IL4R: variants seen among roughly 807,000 people sequenced by gnomAD.
The protein encoded by IL4R is interleukin-4 receptor subunit alpha.
A neutral mutation model predicts 41.5 loss-of-function variants in IL4R; 17 were observed. That is an observed-to-expected ratio of 0.41 (90% CI 0.28 to 0.61). IL4R has a LOEUF of 0.61. Among genes scored for constraint, IL4R ranks in the 20% least tolerant of loss-of-function variants. The pLI is 0.31. For missense variants in IL4R, 974 were observed against 1,043.1 expected (o/e 0.93, Z 0.91); for synonymous variants, 402 against 422.9 (o/e 0.95, Z 0.61).
At chr16:27,350,537 C>T (rs1005051562) in intron 6 of IL4R, among the ~76,000 whole-genome samples, 3 of 152,022 alleles carry the variant, frequency 2.0e-5, no homozygotes, top group Non-Finnish European at 4.4e-5. Context: ...AATGGAGCTG[C>T]CAGTAACCAG....
intron 1 of IL4R, among the ~76,000 whole-genome samples, chr16:27,320,679 C>T (rs1380095224): frequency 6.6e-6 from 1 of 152,192 alleles, no homozygotes; most frequent in African/African-American, 2.4e-5. Flanking sequence ...GCATAGTCGC[C>T]CAGAACCATT....
In IL4R at chr16:27,345,368, G is replaced by C. The variant is rs3024562; in HGVS notation, c.361+348G>C. ...ACATTCCTTCCATTCTGTGTCCACT[G>C]GTCAGCTGCTGCGGCTTTGGATGGT... On this transcript the variant is annotated intron_variant, in intron 5 of 10. Transcript: ENST00000395762. The surrounding 1 kb of genome is among the most constrained non-coding windows in gnomAD (Gnocchi z 4.5). 3,290 of 399,426 alleles carry C rather than the reference G, an allele frequency of 8.2e-3. 100 individuals are homozygous for C. Among genetic ancestry groups the C allele is most frequent in the African/African-American group, 0.06 (2,938 of 48,614 alleles). 24.7% of individuals were successfully genotyped at this position (399,426 alleles called of 1,614,324 possible). A position where few individuals can be genotyped will look rare whatever the true frequency, so the allele number is the denominator to read the frequency against.
chr16:27,348,782 T>G (rs1350733870), intron 6 of IL4R, among the ~76,000 whole-genome samples: 1 of 152,056 alleles, frequency 6.6e-6, no homozygotes, highest in Non-Finnish European at 1.5e-5. Flanking sequence ...GGGCTGCAGG[T>G]GGGCTCAGCT....
intron 1 of IL4R, among the ~76,000 whole-genome samples, chr16:27,327,706 T>C (rs35004258): frequency 0.32 from 48,352 of 151,698 alleles, 7,885 homozygotes; most frequent in East Asian, 0.54. Context: ...TAGGTTATGG[T>C]TCTGTGACCA....
At chr16:27,318,093 TGAAAACC>T (rs2084699115) in intron 1 of IL4R, among the ~76,000 whole-genome samples, 7 of 152,334 alleles carry the variant, frequency 4.6e-5, no homozygotes, top group African/African-American at 1.7e-4. Flanking sequence ...CCACGATTTC[TGAAAACC>T]GAAAGTTTTT....
At position 27,330,457 on chromosome 16, in the gene IL4R, C is replaced by T. The variant is rs561190672; in HGVS notation, c.-19+259C>T. 9.0e-4 allele frequency among the ~76,000 whole-genome samples: 137 copies of T among 152,082 alleles called. No homozygotes were observed. In the South Asian group the frequency reaches 0.021, roughly 23 times the overall value. On this transcript the variant is annotated intron_variant, in intron 2 of 10. Transcript: ENST00000395762. ...ACCCCTGCTTCTATGCTGTTCCCCCCGAGGGCAAGATTGTAGAAATCTGTA... is the reference window on the plus strand; with the variant it reads ...ACCCCTGCTTCTATGCTGTTCCCCCTGAGGGCAAGATTGTAGAAATCTGTA...
rs772116828 is a variant in IL4R at position 27,362,770 on chromosome 16, C to T, written c.1418C>T (p.Ala473Val). ...CTCCACCTGGAGCCAAGTCCTCCTG[C>T]CAGCCCGACCCAGAGTCCAGACAAC... The part of the protein sequence containing the change: ...QPLHLEPSPP[A>V]SPTQSPDNLT... The change falls in exon 11 of 11, where the codon GCC becomes GTC. Residue 473 changes from alanine to valine, a missense_variant. Ala to Val is a moderately conservative substitution (Grantham distance 64). Transcript: ENST00000395762. The T allele has an allele frequency of 5.6e-6, 9 of 1,614,134 alleles. No homozygotes were observed. In the South Asian group the frequency reaches 9.9e-5, roughly 18 times the overall value.
Position 27,352,659 on chromosome 16 carries a change from C to G in IL4R, c.633C>G (p.Thr211=). ...VRAWAQCYNT[T]WSEWSPSTKW... is the part of the protein sequence containing the mutation. ...CCTGGGCTCAGTGCTATAACACCAC[C>G]TGGAGTGAGTGGAGCCCCAGCACCA... Residue 211 remains threonine, a synonymous_variant, in exon 7 of 11, where the codon ACC becomes ACG. Transcript: ENST00000395762. 6.2e-7 allele frequency: 1 copy of G among 1,614,202 alleles called. No individual in the cohort carries two copies. Among genetic ancestry groups the G allele is most frequent in the African/African-American group, 1.3e-5 (1 of 75,042 alleles).
upstream of IL4R, chr16:27,313,850 G>A: frequency 1.1e-6 from 1 of 898,100 alleles, no homozygotes; most frequent in Non-Finnish European, 1.3e-6. Flanking sequence ...GCGCCGGGCG[G>A]GGCGGCGCAT....
chr16:27,361,696 G>A (rs867529515), intron 10 of IL4R, among the ~76,000 whole-genome samples: 4 of 148,334 alleles, frequency 2.7e-5, no homozygotes, highest in African/African-American at 4.9e-5. Flanking sequence ...CCTCAAACTC[G>A]TGGGCTCAAG....
In IL4R at chr16:27,340,314, A is replaced by G. The variant is rs757952017; in HGVS notation, c.70+41A>G. On this transcript the variant is annotated intron_variant, in intron 3 of 10. Transcript: ENST00000395762. ...TCAATCATTCATTTGTTGGCTATTA[A>G]TGGCGTGCCAGGGTCCTGCAGTATG... 7 of 1,507,138 alleles carry G rather than the reference A, an allele frequency of 4.6e-6. No individual in the cohort carries two copies. The East Asian group carries it at 6.8e-5, about 15-fold the overall frequency. The allele number at this position is 1,507,138 out of a possible 1,614,324, so 93.4% of individuals were successfully genotyped here.
In IL4R at chr16:27,345,378, T is replaced by C. The variant is rs1011866306; in HGVS notation, c.361+358T>C. 2 of 389,384 alleles carry C rather than the reference T, an allele frequency of 5.1e-6. No homozygotes were observed. Among genetic ancestry groups the C allele is most frequent in the Non-Finnish European group, 1.0e-5 (2 of 197,212 alleles). 24.1% of individuals were successfully genotyped at this position (389,384 alleles called of 1,614,324 possible). On this transcript the variant is annotated intron_variant, in intron 5 of 10. Transcript: ENST00000395762. The surrounding 1 kb of genome is among the most constrained non-coding windows in gnomAD (Gnocchi z 4.5). The stretch of plus-strand genomic sequence containing the variant: ...CATTCTGTGTCCACTGGTCAGCTGC[T>C]GCGGCTTTGGATGGTCTTGACCGTG...
chr16:27,332,233 C>T (rs2085130869), intron 2 of IL4R, among the ~76,000 whole-genome samples: 1 of 152,066 alleles, frequency 6.6e-6, no homozygotes, highest in Non-Finnish European at 1.5e-5. Context: ...AGAGGTTTGA[C>T]TCACAGTTCT....
chr16:27,352,388 G>A, intron 6 of IL4R, 152 bp from the exon 7 acceptor site: 1 of 620,934 alleles, frequency 1.6e-6, no homozygotes, highest in Non-Finnish European at 2.9e-6. Flanking sequence ...AGTTACAGAG[G>A]TGGCAAGCAA....
At position 27,362,660 on chromosome 16, in the gene IL4R, G is replaced by T; in HGVS notation, c.1308G>T (p.Ser436=). The change falls in exon 11 of 11, where the codon TCG becomes TCT. Residue 436 remains serine, a synonymous_variant. Transcript: ENST00000395762. The part of the protein sequence containing the change: ...DMGESCLLPP[S]GSTSAHMPWD... ...GGGAGTCATGCCTTCTTCCACCTTC[G>T]GGAAGTACGAGTGCTCACATGCCCT... is the stretch of plus-strand genomic sequence containing the variant. The T allele has an allele frequency of 6.2e-7, 1 of 1,614,062 alleles. No individual in the cohort carries two copies. Among genetic ancestry groups the T allele is most frequent in the South Asian group, 1.1e-5 (1 of 91,080 alleles).
intron 6 of IL4R, 49 bp from the exon 7 acceptor site, chr16:27,352,491 T>C (rs753260048): frequency 6.4e-7 from 1 of 1,563,870 alleles, no homozygotes; most frequent in Admixed American, 1.7e-5. Flanking sequence ...TGGGCACTGG[T>C]GCCCCTCGCC....
intron 2 of IL4R, among the ~76,000 whole-genome samples, chr16:27,336,855 G>T (rs2085275612): frequency 6.6e-6 from 1 of 151,918 alleles, no homozygotes; most frequent in Non-Finnish European, 1.5e-5. Flanking sequence ...GAGGCAGGCG[G>T]ATCACCTGGG....
chr16:27,323,090 G>A (rs2084860361), intron 1 of IL4R, among the ~76,000 whole-genome samples: 1 of 152,172 alleles, frequency 6.6e-6, no homozygotes, highest in Admixed American at 6.5e-5. Flanking sequence ...AGCTCCATGG[G>A]TAGTCCCCAC....
At chr16:27,327,313 C>T (rs897475971) in intron 1 of IL4R, among the ~76,000 whole-genome samples, 2 of 152,164 alleles carry the variant, frequency 1.3e-5, no homozygotes, top group Non-Finnish European at 2.9e-5. Flanking sequence ...GTCCTCCGCC[C>T]CCTGCCCCCC....
Sources: gnomAD v4.1 joint callset for allele counts (sites outside exome capture counted in the v4.1 genomes callset) on GRCh38, gnomAD v4.1.1 for gene constraint, Gnocchi (gnomAD v3.1) non-coding constraint, MANE v1.5 for transcripts, NCBI Gene and HGNC (gene_info 2026-07-23, HGNC 2026-07-21) for gene names.